Variants in TRERF1 observed in about 807,000 individuals in gnomAD.
The protein encoded by TRERF1 is transcriptional regulating factor 1, also known as transcriptional-regulating factor 1.
Under a neutral mutation model 122.9 loss-of-function variants are expected in TRERF1, and 27 were observed. That is an observed-to-expected ratio of 0.22 (90% CI 0.16 to 0.30). TRERF1 has a LOEUF of 0.30. Among genes scored for constraint, TRERF1 ranks in the 10% least tolerant of loss-of-function variants. The pLI is 1.00. For missense variants in TRERF1, 1,248 were observed against 1,560.3 expected (o/e 0.80, Z 3.37); for synonymous variants, 636 against 641.7 (o/e 0.99, Z 0.13).
intron 2 of TRERF1, among the ~76,000 whole-genome samples, chr6:42,421,985 T>C (rs187235172): frequency 5.3e-5 from 8 of 150,712 alleles, no homozygotes; most frequent in Admixed American, 2.0e-4. Flanking sequence ...CTGGCCAACA[T>C]GGTGAAACCC....
intron 13 of TRERF1, among the ~76,000 whole-genome samples, chr6:42,248,877 C>T (rs1775258073): frequency 6.6e-6 from 1 of 152,168 alleles, no homozygotes; most frequent in Admixed American, 6.5e-5. Flanking sequence ...CATCACCATT[C>T]TTCAAATTCT....
At chr6:42,290,334 C>T (rs1784092085) in intron 4 of TRERF1, among the ~76,000 whole-genome samples, 1 of 152,188 alleles carries the variant, frequency 6.6e-6, no homozygotes, top group African/African-American at 2.4e-5. Context: ...GCGACTTTTG[C>T]TTCCACAGTA....
At chr6:42,285,107 C>G (rs1222777327) in intron 4 of TRERF1, among the ~76,000 whole-genome samples, 1 of 152,154 alleles carries the variant, frequency 6.6e-6, no homozygotes, top group East Asian at 1.9e-4. Flanking sequence ...GTTCTTCCTA[C>G]CCATGAGCAT....
chr6:42,319,085 T>C (rs752723053), intron 3 of TRERF1, among the ~76,000 whole-genome samples: 1 of 152,244 alleles, frequency 6.6e-6, no homozygotes, highest in African/African-American at 2.4e-5. Flanking sequence ...AGAGTCCTCA[T>C]AGGCCTGTGG....
At chr6:42,342,836 G>A (rs867495381) in intron 3 of TRERF1, among the ~76,000 whole-genome samples, 5 of 152,166 alleles carry the variant, frequency 3.3e-5, no homozygotes, top group East Asian at 1.9e-4. Context: ...CTCAAGTGAC[G>A]AAGCACAGTT....
chr6:42,437,960 C>A (rs1278122172), intron 2 of TRERF1, among the ~76,000 whole-genome samples: 1 of 151,938 alleles, frequency 6.6e-6, no homozygotes, highest in Non-Finnish European at 1.5e-5. Context: ...ATTACTCTGT[C>A]TCCCAGGTTC....
At chr6:42,422,648 C>G (rs963557039) in intron 2 of TRERF1, among the ~76,000 whole-genome samples, 4 of 152,092 alleles carry the variant, frequency 2.6e-5, no homozygotes, top group Non-Finnish European at 5.9e-5. Flanking sequence ...TTCATTCTCT[C>G]AAGCAGTAAT....
chr6:42,232,921 C>T lies in TRERF1; in HGVS notation c.3067-29G>A. 1.3e-6 allele frequency: 2 copies of T among 1,558,184 alleles called. No individual in the cohort carries two copies. Among genetic ancestry groups the T allele is most frequent in the Non-Finnish European group, 1.7e-6 (2 of 1,147,872 alleles). On this transcript the variant is annotated intron_variant, in intron 16 of 17. Transcript: ENST00000372922. The surrounding 1 kb of genome is among the most constrained non-coding windows in gnomAD (Gnocchi z 4.5). ...GGGAAGAAAGGGAGTGACATGACAT[C>T]TACAGTCCTGAAAAGGAAATTAGGG...
intron 1 of TRERF1, among the ~76,000 whole-genome samples, chr6:42,451,703 G>A (rs1788572989): frequency 6.7e-6 from 1 of 149,644 alleles, no homozygotes. Flanking sequence ...CTCTCCTGAT[G>A]CTGGAAACTT....
chr6:42,397,755 ATGACTTGCTAGTTTGGGCAGGT>A (rs1778836252), intron 2 of TRERF1, among the ~76,000 whole-genome samples: 1 of 152,222 alleles, frequency 6.6e-6, no homozygotes, highest in African/African-American at 2.4e-5. Context: ...AGCGAAGTGT[ATGACTTGCTAGTTTGGGCAGGT>A]CATAGGTCAG....
intron 2 of TRERF1, among the ~76,000 whole-genome samples, chr6:42,400,072 T>C (rs544195061): frequency 2.0e-5 from 3 of 152,246 alleles, no homozygotes; most frequent in Admixed American, 2.0e-4. Flanking sequence ...ATCCTGATTG[T>C]CACTCAATGG....
intron 3 of TRERF1, among the ~76,000 whole-genome samples, chr6:42,302,018 G>T (rs1786296586): frequency 6.6e-6 from 1 of 152,146 alleles, no homozygotes; most frequent in Non-Finnish European, 1.5e-5. Context: ...CTGTGTTCAG[G>T]TAACAAAGTG....
At chr6:42,418,324 C>A (rs571753825) in intron 2 of TRERF1, among the ~76,000 whole-genome samples, 1 of 125,476 alleles carries the variant, frequency 8.0e-6, no homozygotes, top group East Asian at 2.7e-4. Context: ...AGCTAGAGTT[C>A]AATGGCGCGA....
intron 3 of TRERF1, among the ~76,000 whole-genome samples, chr6:42,320,223 A>G (rs922848530): frequency 6.6e-6 from 1 of 152,134 alleles, no homozygotes; most frequent in African/African-American, 2.4e-5. Context: ...TTATATTATT[A>G]TATGTCTATT....
chr6:42,274,354 CGCTAATGGTAGA>C (rs1780783814), intron 4 of TRERF1, among the ~76,000 whole-genome samples: 1 of 152,064 alleles, frequency 6.6e-6, no homozygotes, highest in African/African-American at 2.4e-5. Flanking sequence ...AACAGTGCCT[CGCTAATGGTAGA>C]AAATCAAGCC....
intron 2 of TRERF1, among the ~76,000 whole-genome samples, chr6:42,423,501 A>G (rs1783118009): frequency 6.6e-6 from 1 of 152,074 alleles, no homozygotes; most frequent in Admixed American, 6.5e-5. Context: ...AAGGAATCAC[A>G]CACCTGGCTG....
intron 3 of TRERF1, among the ~76,000 whole-genome samples, chr6:42,336,357 T>G (rs1267005934): frequency 6.6e-6 from 1 of 152,118 alleles, no homozygotes; most frequent in African/African-American, 2.4e-5. Flanking sequence ...CCATCATGCC[T>G]CATCCCCTGG....
intron 2 of TRERF1, among the ~76,000 whole-genome samples, chr6:42,397,550 T>C (rs1778807983): frequency 6.6e-6 from 1 of 152,166 alleles, no homozygotes; most frequent in Non-Finnish European, 1.5e-5. Flanking sequence ...GCCCAATGCC[T>C]TTGCCCCAGG....
intron 15 of TRERF1, among the ~76,000 whole-genome samples, chr6:42,242,582 G>C (rs1773947234): frequency 6.6e-6 from 1 of 152,208 alleles, no homozygotes; most frequent in East Asian, 1.9e-4. Context: ...AGGATCACAA[G>C]TGATAGTAAT....
Sources: gnomAD v4.1 joint callset for allele counts (sites outside exome capture counted in the v4.1 genomes callset) on GRCh38, gnomAD v4.1.1 for gene constraint, Gnocchi (gnomAD v3.1) non-coding constraint, MANE v1.5 for transcripts, NCBI Gene and HGNC (gene_info 2026-07-23, HGNC 2026-07-21) for gene names.